LINGO2: variants seen among roughly 807,000 people sequenced by gnomAD.
LINGO2 encodes leucine rich repeat and Ig domain containing 2, also known as leucine-rich repeat and immunoglobulin-like domain-containing nogo receptor-interacting protein 2.
A neutral mutation model predicts 30.6 loss-of-function variants in LINGO2; 14 were observed. The ratio of observed to expected loss-of-function variants is 0.46; its 90% confidence interval spans 0.30 to 0.72. The LOEUF (loss-of-function observed/expected upper bound fraction) is 0.72, where lower values mean the gene tolerates loss of function less well. LINGO2 is among the 30% of genes least tolerant of loss of function. The pLI is 0.07. For missense variants in LINGO2, 729 were observed against 751.7 expected (o/e 0.97, Z 0.35); for synonymous variants, 317 against 288.5 (o/e 1.10, Z -1.00).
chr9:28,963,414 G>A, the LINGO2 span, among the ~76,000 whole-genome samples: 2 of 151,716 alleles, frequency 1.3e-5, no homozygotes, highest in Non-Finnish European at 2.9e-5. Flanking sequence ...CGAAAGGTAA[G>A]GAAATTACTG....
the LINGO2 span, among the ~76,000 whole-genome samples, chr9:28,693,322 C>T: frequency 7.2e-5 from 11 of 152,218 alleles, no homozygotes; most frequent in African/African-American, 2.4e-4. Context: ...TTGGTACCAT[C>T]TCTCATTTAC....
At chr9:28,420,997 G>T (rs1823171334) in intron 2 of LINGO2, among the ~76,000 whole-genome samples, 2 of 151,784 alleles carry the variant, frequency 1.3e-5, no homozygotes, top group South Asian at 4.2e-4. Context: ...TAATATAGTT[G>T]GTGATTGTAT....
the LINGO2 span, among the ~76,000 whole-genome samples, chr9:28,988,952 C>A: frequency 6.6e-6 from 1 of 152,178 alleles, no homozygotes; most frequent in Admixed American, 6.5e-5. Flanking sequence ...ATTGAATTTT[C>A]TGTTGCAGGG....
chr9:28,569,758 T>G (rs1823579635), intron 1 of LINGO2, among the ~76,000 whole-genome samples: 1 of 151,972 alleles, frequency 6.6e-6, no homozygotes, highest in East Asian at 1.9e-4. Context: ...TAAATAAAAT[T>G]TATTAAGAGT....
At chr9:28,241,267 C>CAAAAAAA (rs1164724626) in intron 4 of LINGO2, among the ~76,000 whole-genome samples, 81 of 83,428 alleles carry the variant, frequency 9.7e-4, no homozygotes, top group Non-Finnish European at 1.5e-3. Context: ...GACCCTGTCT[C>CAAAAAAA]AAAAAAAAAA....
At chr9:28,750,769 G>C in the LINGO2 span, among the ~76,000 whole-genome samples, 2 of 152,140 alleles carry the variant, frequency 1.3e-5, no homozygotes, top group Admixed American at 1.3e-4. Flanking sequence ...ATAAGATCAT[G>C]TACAACAAGT....
chr9:28,416,093 ATCAAAATCTTAG>A lies in LINGO2; in HGVS notation c.-278-43237_-278-43226del, dbSNP rs1237650454. 4.6e-5 allele frequency among the ~76,000 whole-genome samples: 7 copies of A among 152,290 alleles called. No homozygotes were observed. In the East Asian group the frequency reaches 9.6e-4, roughly 21 times the overall value. Reference sequence around the variant, plus strand: ...GATTTTTATGTTTTTTGATTACTTTATCAAAATCTTAGGCAAAATTGCTCATTATACCACTAT... The same window carrying A: ...GATTTTTATGTTTTTTGATTACTTTAGCAAAATTGCTCATTATACCACTAT... On this transcript the variant is annotated intron_variant, in intron 2 of 5. Transcript: ENST00000379992.
intron 4 of LINGO2, among the ~76,000 whole-genome samples, chr9:28,127,615 A>G (rs1462592203): frequency 6.6e-6 from 1 of 152,216 alleles, no homozygotes; most frequent in Non-Finnish European, 1.5e-5. Context: ...TGAATAGGGA[A>G]TGCAAGCCTA....
intron 4 of LINGO2, among the ~76,000 whole-genome samples, chr9:28,111,987 C>G (rs1389944361): frequency 2.1e-5 from 3 of 141,864 alleles, no homozygotes; most frequent in African/African-American, 7.9e-5. Flanking sequence ...TATACATGTG[C>G]CATGCTGGTG....
intron 4 of LINGO2, among the ~76,000 whole-genome samples, chr9:28,232,588 C>T (rs1821397381): frequency 1.3e-5 from 2 of 152,036 alleles, no homozygotes; most frequent in South Asian, 4.1e-4. Flanking sequence ...GAGCACCTCA[C>T]ATAACTCATC....
the LINGO2 span, among the ~76,000 whole-genome samples, chr9:28,923,096 G>A: frequency 6.6e-6 from 1 of 152,184 alleles, no homozygotes; most frequent in African/African-American, 2.4e-5. Flanking sequence ...GAAAGGAAAT[G>A]GATTTTCTCC....
intron 1 of LINGO2, among the ~76,000 whole-genome samples, chr9:28,489,872 T>TG (rs1826320044): frequency 8.3e-6 from 1 of 120,336 alleles, no homozygotes; most frequent in African/African-American, 3.2e-5. Context: ...CACTCCAGCC[T>TG]GGAAACAGAG....
At chr9:29,046,143 C>T in the LINGO2 span, among the ~76,000 whole-genome samples, 2 of 152,106 alleles carry the variant, frequency 1.3e-5, no homozygotes, top group South Asian at 2.1e-4. Flanking sequence ...TGCCTGATTG[C>T]TCTGGCTAGG....
intron 1 of LINGO2, among the ~76,000 whole-genome samples, chr9:28,513,246 C>G (rs1587787000): frequency 6.6e-6 from 1 of 152,148 alleles, no homozygotes; most frequent in South Asian, 2.1e-4. Context: ...ATCAGTCAAC[C>G]AATCTGCAAT....
the LINGO2 span, among the ~76,000 whole-genome samples, chr9:28,866,069 C>A: frequency 6.6e-6 from 1 of 151,958 alleles, no homozygotes; most frequent in Non-Finnish European, 1.5e-5. Flanking sequence ...GCAAGTCCCT[C>A]TTTAGACAGC....
the LINGO2 span, among the ~76,000 whole-genome samples, chr9:29,195,360 T>G: frequency 2.6e-5 from 4 of 151,854 alleles, no homozygotes; most frequent in South Asian, 2.1e-4. Flanking sequence ...TGTGTGTGTG[T>G]GTGGGTGTGT....
the LINGO2 span, among the ~76,000 whole-genome samples, chr9:28,861,392 T>G: frequency 7.1e-6 from 1 of 140,692 alleles, no homozygotes; most frequent in African/African-American, 2.6e-5. Flanking sequence ...TTGTTGGTTC[T>G]GTTCTCTAGA....
chr9:28,773,083 C>A, the LINGO2 span, among the ~76,000 whole-genome samples: 10 of 152,114 alleles, frequency 6.6e-5, no homozygotes, highest in Admixed American at 3.3e-4. Context: ...GACCTACATA[C>A]GGCCGGGCGC....
intron 4 of LINGO2, among the ~76,000 whole-genome samples, chr9:28,199,658 C>A (rs544805289): frequency 6.6e-6 from 1 of 151,994 alleles, no homozygotes; most frequent in Non-Finnish European, 1.5e-5. Flanking sequence ...TTTTAGGTGG[C>A]TCAGCTTGCT....
Sources: allele counts gnomAD v4.1 joint callset (sites outside exome capture counted in the v4.1 genomes callset), GRCh38; gene constraint gnomAD v4.1.1; transcripts MANE v1.5; gene names NCBI Gene and HGNC (gene_info 2026-07-23, HGNC 2026-07-21).